The following CPN2 variants were observed in gnomAD, a reference collection of about 807,000 sequenced individuals.
CPN2 encodes the protein carboxypeptidase N 83 kDa chain.
For synonymous variants in CPN2, 336 were observed against 318.4 expected (o/e 1.06, Z -0.59); for missense variants, 620 against 671.4 (o/e 0.92, Z 0.85).
At chr3:194,344,739 TC>T (rs1712987898) in intron 1 of CPN2, among the ~76,000 whole-genome samples, 1 of 151,890 alleles carries the variant, frequency 6.6e-6, no homozygotes, top group South Asian at 2.1e-4. Context: ...AGAATCTGAC[TC>T]CCGCAATCAC....
rs571844961 is a variant in CPN2 at position 194,342,213 on chromosome 3, G to A, written c.490C>T (p.Leu164Phe). 1.9e-6 allele frequency: 3 copies of A among 1,614,064 alleles called. No homozygotes were observed. Among genetic ancestry groups the A allele is most frequent in the African/African-American group, 2.7e-5 (2 of 75,060 alleles). The change falls in exon 2 of 2, where the codon CTC becomes TTC. Residue 164 changes from leucine (L) to phenylalanine (F), a missense_variant. Physicochemically the swap from Leu to Phe is conservative, Grantham distance 22. Transcript: ENST00000323830. ...GNQLQALPRR[L>F]FQPLTHLKTL... is the part of the protein sequence containing the mutation. ...TTCAGATGGGTCAGAGGCTGGAAGA[G>A]CCTCCTGGGCAGGGCCTGGAGCTGG...
intron 1 of CPN2, among the ~76,000 whole-genome samples, chr3:194,346,225 C>A (rs1020458782): frequency 6.6e-6 from 1 of 152,214 alleles, no homozygotes; most frequent in East Asian, 1.9e-4. Context: ...CCTGACAGCC[C>A]GGGCTCTGCA....
chr3:194,344,654 C>T (rs1463212202), intron 1 of CPN2, among the ~76,000 whole-genome samples: 1 of 152,200 alleles, frequency 6.6e-6, no homozygotes, highest in Non-Finnish European at 1.5e-5. Context: ...GAGATCGTGC[C>T]ACTGCACTCC....
Position 194,348,987 on chromosome 3 carries a change from T to A in CPN2, c.-4+2255A>T, listed in dbSNP as rs1330390161. 3.3e-5 allele frequency among the ~76,000 whole-genome samples: 5 copies of A among 152,354 alleles called. No individual in the cohort carries two copies. In the South Asian group the frequency reaches 1.0e-3, roughly 32 times the overall value. ...TGTTTGCAATATCTTAAGTGAAATA[T>A]ATGAAGTCTCAGAATGCTGCTTTTC... is the stretch of plus-strand genomic sequence containing the variant. On this transcript the variant is annotated intron_variant, in intron 1 of 1. Coordinates refer to ENST00000323830, the MANE Select transcript of CPN2 (RefSeq NM_001080513.4).
At chr3:194,345,913 A>G (rs956152471) in intron 1 of CPN2, among the ~76,000 whole-genome samples, 1 of 152,224 alleles carries the variant, frequency 6.6e-6, no homozygotes, top group Admixed American at 6.5e-5. Flanking sequence ...CACATTTCCA[A>G]CAAAGGAAGG....
chr3:194,347,275 G>T (rs1713079669), intron 1 of CPN2, among the ~76,000 whole-genome samples: 1 of 151,968 alleles, frequency 6.6e-6, no homozygotes, highest in African/African-American at 2.4e-5. Context: ...TTGCTTATGG[G>T]AGGGTACGTT....
intron 1 of CPN2, among the ~76,000 whole-genome samples, chr3:194,343,569 C>A (rs7630163): frequency 0.31 from 47,401 of 152,114 alleles, 7,916 homozygotes; most frequent in Non-Finnish European, 0.39. Flanking sequence ...AGGGTGTGTG[C>A]CCTCCAGGCC....
At chr3:194,349,953 C>A (rs1275209135) in intron 1 of CPN2, among the ~76,000 whole-genome samples, 1 of 151,924 alleles carries the variant, frequency 6.6e-6, no homozygotes, top group Non-Finnish European at 1.5e-5. Flanking sequence ...AGGCGCCTGC[C>A]ACCACATCTG....
In CPN2 at chr3:194,341,025, C is replaced by A; in HGVS notation, c.*40G>T. On this transcript the variant is annotated 3_prime_UTR_variant, in exon 2 of 2. Transcript: ENST00000323830. ...CGCCCCTACCTGTCGCCTGGTCAGG[C>A]CCCAGAGGCCCCCTTCCCCAGCTCC... 6.5e-7 allele frequency: 1 copy of A among 1,542,486 alleles called. No individual in the cohort carries two copies. The highest frequency in any genetic ancestry group is 1.2e-5 in the South Asian group (1 of 80,590).
Position 194,341,073 on chromosome 3 carries a change from C to T in CPN2, c.1630G>A (p.Gly544Arg), listed in dbSNP as rs150508176. The T allele has an allele frequency of 5.6e-6, 9 of 1,599,958 alleles. No homozygotes were observed. The African/African-American group carries it at 9.4e-5, about 17-fold the overall frequency. The change falls in exon 2 of 2, where the codon GGG (glycine) becomes AGG (arginine). Residue 544 changes from glycine (G) to arginine (R), a missense_variant. Physicochemically the swap from Gly to Arg is moderately radical, Grantham distance 125. Transcript: ENST00000323830. ...TCCTGTATGCGCTGCTACTAGGGCC[C>T]TGCTGCCCGAGCCTCGATAGACACG... The part of the protein sequence containing the change: ...LTVSIEARAA[G>R]P
chr3:194,345,057 A>G (rs9868662), intron 1 of CPN2, among the ~76,000 whole-genome samples: 41,696 of 152,122 alleles, frequency 0.27, 5,926 homozygotes, highest in African/African-American at 0.32. Context: ...CTGGAGGTAC[A>G]TGTCTCCACC....
At chr3:194,350,185 C>T (rs1187037130) in intron 1 of CPN2, among the ~76,000 whole-genome samples, 1 of 152,186 alleles carries the variant, frequency 6.6e-6, no homozygotes, top group Admixed American at 6.5e-5. Context: ...TGCACCCACC[C>T]GACTGAGCCC....
At chr3:194,344,209 C>T (rs1712970268) in intron 1 of CPN2, among the ~76,000 whole-genome samples, 1 of 152,236 alleles carries the variant, frequency 6.6e-6, no homozygotes, top group Admixed American at 6.5e-5. Context: ...GCCCCCTTGA[C>T]TCTCCCGCTC....
At position 194,342,556 on chromosome 3, in the gene CPN2, T is replaced by C. The variant is rs372991840; in HGVS notation, c.147A>G (p.Pro49=). ...CCACAAAGATGATGTTTTTCGTATA[T>C]GGCGGGATGTCCAGTGGGACGGTGG... is the stretch of plus-strand genomic sequence containing the variant. The part of the protein sequence containing the change: ...ELATVPLDIP[P]YTKNIIFVET... The change falls in exon 2 of 2, where the codon CCA becomes CCG. Residue 49 remains proline (P), a synonymous_variant. Transcript: ENST00000323830. The C allele has an allele frequency of 5.0e-6, 8 of 1,614,030 alleles. No individual in the cohort carries two copies. The African/African-American group carries it at 9.3e-5, about 19-fold the overall frequency.
intron 1 of CPN2, 33 bp downstream of exon 1, chr3:194,351,209 C>A (rs1187094789): frequency 6.6e-6 from 1 of 152,290 alleles, no homozygotes; most frequent in East Asian, 1.9e-4. Flanking sequence ...TCCCTGCAGA[C>A]CCTGGAGCCC....
chr3:194,346,315 C>T (rs1413177283), intron 1 of CPN2, among the ~76,000 whole-genome samples: 1 of 152,244 alleles, frequency 6.6e-6, no homozygotes, highest in African/African-American at 2.4e-5. Context: ...GGGGGCACAG[C>T]CTCCAGACGG....
rs1220028710 is a variant in CPN2, at chr3:194,341,144, C to G, written c.1559G>C (p.Ser520Thr). The change falls in exon 2 of 2, where the codon AGT becomes ACT. Residue 520 changes from serine (S) to threonine (T), a missense_variant. Physicochemically the swap from Ser to Thr is moderately conservative, Grantham distance 58. Coordinates refer to ENST00000323830, the MANE Select transcript of CPN2 (RefSeq NM_001080513.4). The stretch of plus-strand genomic sequence containing the variant: ...GCTCGACCTCAGGTCCCACTCCTGA[C>G]TAGCATTGTACTGCAGTCCCAGGGA... ...QGSLGLQYNA[S>T]QEWDLRSSCG... The G allele has an allele frequency of 1.9e-6, 3 of 1,613,442 alleles. No individual in the cohort carries two copies. The highest frequency in any genetic ancestry group is 2.5e-6 in the Non-Finnish European group (3 of 1,179,936).
chr3:194,347,306 G>A (rs567279660), intron 1 of CPN2, among the ~76,000 whole-genome samples: 61 of 152,038 alleles, frequency 4.0e-4, no homozygotes, highest in Middle Eastern at 3.4e-3. Flanking sequence ...CCTCAAGCCA[G>A]TCTGTCATCC....
In CPN2 at chr3:194,342,487, G is replaced by C. The variant is rs763043511; in HGVS notation, c.216C>G (p.Asn72Lys). ...GGAAGACCACCTTGGTCAAGTTGGG[G>C]TTACTGCCAAAAGCTCTGGTTTCCA... ...TTLETRAFGS[N>K]PNLTKVVFLN... is the part of the protein sequence containing the mutation. The change falls in exon 2 of 2, where the codon AAC becomes AAG. Residue 72 changes from asparagine (N) to lysine (K), a missense_variant. Physicochemically the swap from Asn to Lys is moderately conservative, Grantham distance 94. Coordinates refer to ENST00000323830, the MANE Select transcript of CPN2 (RefSeq NM_001080513.4). 2.5e-5 allele frequency: 40 copies of C among 1,614,096 alleles called. No individual in the cohort carries two copies. The highest frequency in any genetic ancestry group is 3.1e-5 in the Non-Finnish European group (37 of 1,180,034).
Sources: gnomAD v4.1 joint callset for allele counts (sites outside exome capture counted in the v4.1 genomes callset) on GRCh38, gnomAD v4.1.1 for gene constraint, MANE v1.5 for transcripts, NCBI Gene and HGNC (gene_info 2026-07-23, HGNC 2026-07-21) for gene names.